The following PCDH9 variants were observed in gnomAD, a reference collection of about 807,000 sequenced individuals.
The protein encoded by PCDH9 is protocadherin 9, also known as protocadherin-9.
PCDH9 carries 24 observed loss-of-function variants against 70.6 expected under a neutral mutation model. That is an observed-to-expected ratio of 0.34 (90% CI 0.25 to 0.48). The LOEUF (loss-of-function observed/expected upper bound fraction) is 0.48. PCDH9 is among the 20% of genes least tolerant of loss of function. The pLI is 0.99. For synonymous variants in PCDH9, 562 were observed against 558.5 expected, an observed-to-expected ratio of 1.01 and a Z score of -0.09; for missense variants, 1,281 against 1,503.6, an observed-to-expected ratio of 0.85 and a Z score of 2.45.
At chr13:66,757,639 T>C (rs2079557331) in intron 3 of PCDH9, among the ~76,000 whole-genome samples, 1 of 152,072 alleles carries the variant, frequency 6.6e-6, no homozygotes, top group Admixed American at 6.6e-5. Context: ...GAGCCAAACA[T>C]ATATAAAACG....
chr13:66,328,976 C>G (rs754531083), intron 4 of PCDH9, among the ~76,000 whole-genome samples: 2 of 152,104 alleles, frequency 1.3e-5, no homozygotes, highest in African/African-American at 2.4e-5. Context: ...TCAAAAATGT[C>G]ATTTTCTAAC....
At chr13:66,657,522 T>G (rs2077948500) in intron 3 of PCDH9, among the ~76,000 whole-genome samples, 1 of 152,228 alleles carries the variant, frequency 6.6e-6, no homozygotes. Flanking sequence ...TTAACATCTA[T>G]GCTTTTACTG....
At chr13:66,858,469 T>G (rs1364644272) in intron 3 of PCDH9, among the ~76,000 whole-genome samples, 1 of 152,182 alleles carries the variant, frequency 6.6e-6, no homozygotes, top group Admixed American at 6.6e-5. Context: ...CCTAACACCA[T>G]TGGGCCAGCC....
At chr13:66,495,702 T>C (rs1337899739) in intron 4 of PCDH9, among the ~76,000 whole-genome samples, 2 of 152,214 alleles carry the variant, frequency 1.3e-5, no homozygotes, top group Non-Finnish European at 2.9e-5. Flanking sequence ...CTGGTGACTC[T>C]TTGACCTCTA....
At chr13:67,177,561 C>T (rs1050018361) in intron 2 of PCDH9, among the ~76,000 whole-genome samples, 3 of 152,110 alleles carry the variant, frequency 2.0e-5, no homozygotes, top group African/African-American at 7.2e-5. Context: ...TCACTCCTCA[C>T]CCCATTCCTC....
At chr13:67,132,300 A>C (rs535972379) in intron 2 of PCDH9, among the ~76,000 whole-genome samples, 1 of 152,268 alleles carries the variant, frequency 6.6e-6, no homozygotes, top group Admixed American at 6.5e-5. Flanking sequence ...CCAAGAATGT[A>C]CATGTTCTTA....
rs143953604 is a variant in PCDH9 at position 66,767,313 on chromosome 13, C to T, written c.3139-135902G>A. Among the ~76,000 whole-genome samples, 1,375 of 152,210 alleles carry T rather than the reference C, an allele frequency of 9.0e-3. 4 individuals are homozygous for T. The highest frequency in any genetic ancestry group is 0.016 in the Non-Finnish European group (1,054 of 67,992). On this transcript the variant is annotated intron_variant, in intron 3 of 4. Coordinates refer to ENST00000377865, the MANE Select transcript of PCDH9 (RefSeq NM_203487.3). ...AAGGCAAAATCTCAGCCTAATTCTT[C>T]TAAACAAATCCCACCATTGGAATTG...
At chr13:66,525,618 G>C (rs1384342300) in intron 4 of PCDH9, among the ~76,000 whole-genome samples, 1 of 152,020 alleles carries the variant, frequency 6.6e-6, no homozygotes, top group African/African-American at 2.4e-5. Context: ...ACTCATTCTT[G>C]CTTTTTAATG....
In PCDH9 at chr13:66,680,519, CT is replaced by C. The variant is rs1193860283; in HGVS notation, c.3139-49109del. On this transcript the variant is annotated intron_variant, in intron 3 of 4. Coordinates refer to ENST00000377865, the MANE Select transcript of PCDH9 (RefSeq NM_203487.3). ...TTGTATCCATTGACTCTGTAATTTT[CT>C]TTTTTTCTAGGAGTTTGCTATTTCA... Among the ~76,000 whole-genome samples, 6 of 151,948 alleles carry C rather than the reference CT, an allele frequency of 3.9e-5. No homozygotes were observed. In the East Asian group the frequency reaches 1.2e-3, roughly 29 times the overall value.
chr13:66,675,400 A>G (rs2078229267), intron 3 of PCDH9, among the ~76,000 whole-genome samples: 1 of 152,146 alleles, frequency 6.6e-6, no homozygotes, highest in African/African-American at 2.4e-5. Flanking sequence ...TCAAAGTTGC[A>G]AACTTAGTAG....
chr13:66,730,723 G>C (rs1388302522), intron 3 of PCDH9, among the ~76,000 whole-genome samples: 4 of 148,628 alleles, frequency 2.7e-5, no homozygotes, highest in Admixed American at 2.0e-4. Context: ...TTGTCACCCA[G>C]GCTGAAGTGC....
chr13:66,619,899 C>G (rs138828560), intron 4 of PCDH9, among the ~76,000 whole-genome samples: 18 of 152,266 alleles, frequency 1.2e-4, no homozygotes, highest in African/African-American at 4.3e-4. Flanking sequence ...CTTCTGTCTC[C>G]TCTAATTATC....
intron 3 of PCDH9, among the ~76,000 whole-genome samples, chr13:66,752,088 C>T (rs1248777535): frequency 6.6e-6 from 1 of 152,052 alleles, no homozygotes; most frequent in Non-Finnish European, 1.5e-5. Flanking sequence ...TCAAATAGCT[C>T]AAGGAAAGGG....
chr13:66,824,861 T>A (rs74093621), intron 3 of PCDH9, among the ~76,000 whole-genome samples: 2,595 of 151,412 alleles, frequency 0.017, 75 homozygotes, highest in African/African-American at 0.058. Context: ...CTAGTGAAAG[T>A]CTTAAATCTG....
At chr13:67,051,383 T>TTTTTTTTTTTG (rs2085321316) in intron 2 of PCDH9, among the ~76,000 whole-genome samples, 1 of 5,696 alleles carries the variant, frequency 1.8e-4, no homozygotes, top group Admixed American at 1.9e-3. Flanking sequence ...CAATACAAGA[T>TTTTTTTTTTTG]TTTTTTTTTT....
At chr13:67,154,464 C>T (rs931426939) in intron 2 of PCDH9, among the ~76,000 whole-genome samples, 5 of 149,750 alleles carry the variant, frequency 3.3e-5, no homozygotes, top group African/African-American at 1.2e-4. Flanking sequence ...ATAGTCCCAG[C>T]TATTGGGGAG....
At chr13:66,618,176 C>T (rs761230136) in intron 4 of PCDH9, among the ~76,000 whole-genome samples, 1 of 152,158 alleles carries the variant, frequency 6.6e-6, no homozygotes, top group Non-Finnish European at 1.5e-5. Flanking sequence ...AAAACCCTGT[C>T]TGACTCAACA....
chr13:66,503,365 G>C (rs1188032557), intron 4 of PCDH9, among the ~76,000 whole-genome samples: 1 of 152,090 alleles, frequency 6.6e-6, no homozygotes, highest in Non-Finnish European at 1.5e-5. Context: ...CTGGGAGACT[G>C]TTTGATTTAG....
chr13:66,895,305 ATCT>A (rs888761692), intron 3 of PCDH9, among the ~76,000 whole-genome samples: 20 of 152,182 alleles, frequency 1.3e-4, no homozygotes, highest in African/African-American at 4.8e-4. Flanking sequence ...ACAGTTTTCA[ATCT>A]TCAAGGACTG....
Sources: allele counts gnomAD v4.1 joint callset (sites outside exome capture counted in the v4.1 genomes callset), GRCh38; gene constraint gnomAD v4.1.1; transcripts MANE v1.5; gene names NCBI Gene and HGNC (gene_info 2026-07-23, HGNC 2026-07-21).